PPP1R10: variants seen among roughly 807,000 people sequenced by gnomAD.
PPP1R10 encodes serine/threonine-protein phosphatase 1 regulatory subunit 10.
A neutral mutation model predicts 99.0 loss-of-function variants in PPP1R10; 15 were observed. That is an observed-to-expected ratio of 0.15 (90% CI 0.10 to 0.23). PPP1R10 has a LOEUF of 0.23. Among genes scored for constraint, PPP1R10 ranks in the 10% least tolerant of loss-of-function variants. The pLI is 1.00. For missense variants in PPP1R10, 947 were observed against 1,259.4 expected (o/e 0.75, Z 3.75); for synonymous variants, 430 against 449.5 (o/e 0.96, Z 0.55).
In PPP1R10 at chr6:30,602,792, A is replaced by C. The variant is rs1008136660; in HGVS notation, c.1957+54T>G. ...ACCTTCCAGTCAATCCTATACTATT[A>C]TCAGACTGAAATTAAGCAGATAAGC... On this transcript the variant is annotated intron_variant, in intron 18 of 19. Coordinates refer to ENST00000376511, the MANE Select transcript of PPP1R10 (RefSeq NM_002714.4). This position sits in a 1 kb window ranked among gnomAD's most constrained non-coding sequence, Gnocchi z 6.7. 3.3e-5 allele frequency: 51 copies of C among 1,546,302 alleles called. No individual in the cohort carries two copies. In the African/African-American group the frequency reaches 6.8e-4, roughly 21 times the overall value.
rs1760574632 is a variant in PPP1R10 at position 30,616,559 on chromosome 6, A to C, written c.-93T>G. Reference sequence around the variant, plus strand: ...TTGGAGGAAAAAAAATAAAACAACCAACCAGGACCCAAAACTCAATTATTT... The same window carrying C: ...TTGGAGGAAAAAAAATAAAACAACCCACCAGGACCCAAAACTCAATTATTT... On this transcript the variant is annotated 5_prime_UTR_variant, in exon 2 of 20. Transcript: ENST00000376511. 1 of 152,186 alleles carries C rather than the reference A, an allele frequency of 6.6e-6. No individual in the cohort carries two copies. Among genetic ancestry groups the C allele is most frequent in the Admixed American group, 6.6e-5 (1 of 15,266 alleles). 9.4% of individuals were successfully genotyped at this position (152,186 alleles called of 1,614,324 possible). A position where few individuals can be genotyped will look rare whatever the true frequency, so the allele number is the denominator to read the frequency against.
chr6:30,602,886 G>A lies in PPP1R10; in HGVS notation c.1917C>T (p.Gly639=), dbSNP rs1338930784. 2 of 1,556,416 alleles carry A rather than the reference G, an allele frequency of 1.3e-6. No individual in the cohort carries two copies. The highest frequency in any genetic ancestry group is 1.7e-6 in the Non-Finnish European group (2 of 1,149,140). The change falls in exon 18 of 20, where the codon GGC becomes GGT. Residue 639 remains glycine, a synonymous_variant. Coordinates refer to ENST00000376511, the MANE Select transcript of PPP1R10 (RefSeq NM_002714.4). The surrounding 1 kb of genome is among the most constrained non-coding windows in gnomAD (Gnocchi z 6.7). ...FPPGGPGGPK[G]MQHFPPGPGG... is the part of the protein sequence containing the mutation. ...CAGGTCCAGGGGGAAAGTGCTGCAT[G>A]CCCTTGGGGCCCCCAGGACCCCCTG...
intron 2 of PPP1R10, among the ~76,000 whole-genome samples, chr6:30,615,682 T>G (rs765537581): frequency 6.6e-6 from 1 of 152,320 alleles, no homozygotes; most frequent in South Asian, 2.1e-4. Flanking sequence ...CACCCTCTAT[T>G]TAACTGTACC....
chr6:30,613,357 CA>C (rs1298098016), intron 2 of PPP1R10, among the ~76,000 whole-genome samples: 7 of 152,144 alleles, frequency 4.6e-5, no homozygotes, highest in Non-Finnish European at 7.4e-5. Flanking sequence ...AAAAAAGTCC[CA>C]AATTTACCTT....
chr6:30,602,973 C>T lies in PPP1R10; in HGVS notation c.1844-14G>A. Reference sequence around the variant, plus strand: ...GTCCATGTGGCACTGTTAATGAAAACAAGAGTAACACAGCATGAGCACTCT... The same window carrying T: ...GTCCATGTGGCACTGTTAATGAAAATAAGAGTAACACAGCATGAGCACTCT... On this transcript the variant is annotated splice_polypyrimidine_tract_variant and intron_variant, in intron 17 of 19. Coordinates refer to ENST00000376511, the MANE Select transcript of PPP1R10 (RefSeq NM_002714.4). This position sits in a 1 kb window ranked among gnomAD's most constrained non-coding sequence, Gnocchi z 6.7. 1.3e-6 allele frequency: 2 copies of T among 1,528,906 alleles called. No homozygotes were observed. The highest frequency in any genetic ancestry group is 1.8e-6 in the Non-Finnish European group (2 of 1,133,834). 94.7% of individuals were successfully genotyped at this position (1,528,906 alleles called of 1,614,324 possible). A position where few individuals can be genotyped will look rare whatever the true frequency, so the allele number is the denominator to read the frequency against.
At chr6:30,608,449 A>G (rs768558576) in intron 5 of PPP1R10, among the ~76,000 whole-genome samples, 1 of 151,914 alleles carries the variant, frequency 6.6e-6, no homozygotes, top group Non-Finnish European at 1.5e-5. Context: ...CTACAGGCGC[A>G]TGCCACCATG....
rs1294420810 is a variant in PPP1R10, at chr6:30,601,579, G to A, written c.2793C>T (p.His931=). ...CRYENNCAFY[H]PGVNGPPLP is the part of the protein sequence containing the mutation. ...GCAGGGGGGGCCCATTGACACCCGG[G>A]TGGTAGAAGGCACAGTTGTTCTCAT... The change falls in exon 20 of 20, where the codon CAC becomes CAT. Residue 931 remains histidine (H), a synonymous_variant. Transcript: ENST00000376511. 3.1e-6 allele frequency: 5 copies of A among 1,614,138 alleles called. No homozygotes were observed. The highest frequency in any genetic ancestry group is 4.2e-6 in the Non-Finnish European group (5 of 1,180,000).
Position 30,601,624 on chromosome 6 carries a change from C to T in PPP1R10, c.2748G>A (p.Met916Ile). Residue 916 changes from methionine to isoleucine, a missense_variant, in exon 20 of 20, where the codon ATG becomes ATA. Physicochemically the swap from Met to Ile is conservative, Grantham distance 10. Coordinates refer to ENST00000376511, the MANE Select transcript of PPP1R10 (RefSeq NM_002714.4). ...MSNRPVCRHF[M>I]MKGNCRYENN... ...TCTCATAGCGGCAGTTGCCCTTCAT[C>T]ATGAAATGTCGGCAGACAGGGCGGT... is the stretch of plus-strand genomic sequence containing the variant. 2.5e-6 allele frequency: 4 copies of T among 1,614,126 alleles called. No individual in the cohort carries two copies. Among genetic ancestry groups the T allele is most frequent in the Non-Finnish European group, 3.4e-6 (4 of 1,179,998 alleles).
intron 2 of PPP1R10, among the ~76,000 whole-genome samples, chr6:30,616,029 G>A (rs1170291568): frequency 6.6e-6 from 1 of 152,178 alleles, no homozygotes; most frequent in Non-Finnish European, 1.5e-5. Context: ...CAAATTGAAA[G>A]GCACCCTGCT....
chr6:30,609,262 G>C lies in PPP1R10; in HGVS notation c.108-99C>G. 1.8e-6 allele frequency: 2 copies of C among 1,109,734 alleles called. No homozygotes were observed. The highest frequency in any genetic ancestry group is 2.4e-5 in the East Asian group (1 of 41,026). The allele number at this position is 1,109,734 out of a possible 1,614,324, so 68.7% of individuals were successfully genotyped here. On this transcript the variant is annotated intron_variant, in intron 3 of 19. Coordinates refer to ENST00000376511, the MANE Select transcript of PPP1R10 (RefSeq NM_002714.4). The surrounding 1 kb of genome is among the most constrained non-coding windows in gnomAD (Gnocchi z 4.5). ...ACTGCCTAGAGATTCCTAATGACTT[G>C]GGACTTTGCTCCAGAGAAGGGGAGT...
chr6:30,609,727 CTA>C lies in PPP1R10; in HGVS notation c.107+109_107+110del. 1 of 932,992 alleles carries C rather than the reference CTA, an allele frequency of 1.1e-6. No individual in the cohort carries two copies. The highest frequency in any genetic ancestry group is 1.7e-6 in the Non-Finnish European group (1 of 576,652). 57.8% of individuals were successfully genotyped at this position (932,992 alleles called of 1,614,324 possible). A position where few individuals can be genotyped will look rare whatever the true frequency, so the allele number is the denominator to read the frequency against. ...TTACATTTTAATCCTATTGCACTGA[CTA>C]TCTTTCCCTTTCCTTTCCAGGATCA... is the stretch of plus-strand genomic sequence containing the variant. On this transcript the variant is annotated intron_variant, in intron 3 of 19. Coordinates refer to ENST00000376511, the MANE Select transcript of PPP1R10 (RefSeq NM_002714.4). This position sits in a 1 kb window ranked among gnomAD's most constrained non-coding sequence, Gnocchi z 4.5.
At position 30,602,694 on chromosome 6, in the gene PPP1R10, G is replaced by C; in HGVS notation, c.1958-3C>G. ...CCCACCAGGGCCTCCATGGGGACCT[G>C]TAAGGGGACAAAAAAGAGAGACAGT... On this transcript the variant is annotated splice_polypyrimidine_tract_variant and splice_region_variant and intron_variant, in intron 18 of 19. Coordinates refer to ENST00000376511, the MANE Select transcript of PPP1R10 (RefSeq NM_002714.4). This position sits in a 1 kb window ranked among gnomAD's most constrained non-coding sequence, Gnocchi z 6.7. The C allele has an allele frequency of 6.2e-7, 1 of 1,605,392 alleles. No individual in the cohort carries two copies. The highest frequency in any genetic ancestry group is 8.5e-7 in the Non-Finnish European group (1 of 1,177,446).
At chr6:30,611,287 G>A (rs1253940557) in intron 2 of PPP1R10, among the ~76,000 whole-genome samples, 3 of 152,104 alleles carry the variant, frequency 2.0e-5, no homozygotes, top group African/African-American at 7.2e-5. Flanking sequence ...TCCAGCCTGA[G>A]AGACAGAGTA....
At chr6:30,610,844 T>C (rs915294041) in intron 2 of PPP1R10, among the ~76,000 whole-genome samples, 2 of 152,210 alleles carry the variant, frequency 1.3e-5, no homozygotes, top group African/African-American at 4.8e-5. Flanking sequence ...GCTAGAAAAA[T>C]TCCCTTTTAA....
At position 30,603,547 on chromosome 6, in the gene PPP1R10, G is replaced by A. The variant is rs1803596553; in HGVS notation, c.1692C>T (p.Ser564=). 6.2e-7 allele frequency: 1 copy of A among 1,613,938 alleles called. No individual in the cohort carries two copies. Among genetic ancestry groups the A allele is most frequent in the South Asian group, 1.1e-5 (1 of 91,078 alleles). The change falls in exon 16 of 20, where the codon AGC becomes AGT. Residue 564 remains serine, a synonymous_variant. Coordinates refer to ENST00000376511, the MANE Select transcript of PPP1R10 (RefSeq NM_002714.4). The part of the protein sequence containing the change: ...LPPVLANLMG[S]MGAGKGPQGP... ...CTTGGGGGCCCTTTCCAGCACCCAT[G>A]CTTCCCATAAGATTGGCCAGAACTG...
chr6:30,603,197 C>T lies in PPP1R10; in HGVS notation c.1843+13G>A. 1 of 1,606,818 alleles carries T rather than the reference C, an allele frequency of 6.2e-7. No homozygotes were observed. Among genetic ancestry groups the T allele is most frequent in the Middle Eastern group, 1.7e-4 (1 of 6,040 alleles). ...TCCTCCCCCAGTCCCCTGGGGCTGGCCCTGAAGATTACCCAGCATCTGCTT... is the reference window on the plus strand; with the variant it reads ...TCCTCCCCCAGTCCCCTGGGGCTGGTCCTGAAGATTACCCAGCATCTGCTT... On this transcript the variant is annotated intron_variant, in intron 17 of 19. Coordinates refer to ENST00000376511, the MANE Select transcript of PPP1R10 (RefSeq NM_002714.4).
At chr6:30,607,775 A>G (rs1804103673) in intron 6 of PPP1R10, 65 bp downstream of exon 6, 1 of 1,518,074 alleles carries the variant, frequency 6.6e-7, no homozygotes, top group Non-Finnish European at 9.1e-7. Flanking sequence ...ATGGGAAAAG[A>G]TATTAAGGTA....
In PPP1R10 at chr6:30,609,965, G is replaced by C. The variant is rs560579868; in HGVS notation, c.-11-10C>G. On this transcript the variant is annotated splice_polypyrimidine_tract_variant and intron_variant, in intron 2 of 19. Transcript: ENST00000376511. The surrounding 1 kb of genome is among the most constrained non-coding windows in gnomAD (Gnocchi z 4.5). ...CCCATGATGGTGGTTTCTATGGTAAGAGGACAAAACAAACAAACCCACAGA... is the reference window on the plus strand; with the variant it reads ...CCCATGATGGTGGTTTCTATGGTAACAGGACAAAACAAACAAACCCACAGA... 1.3e-5 allele frequency: 21 copies of C among 1,591,218 alleles called. No homozygotes were observed. Among genetic ancestry groups the C allele is most frequent in the Non-Finnish European group, 1.8e-5 (21 of 1,159,216 alleles).
Position 30,606,713 on chromosome 6 carries a change from G to A in PPP1R10, c.460+66C>T, listed in dbSNP as rs749506872. ...CTGTCAGAGGTGAAGCAGACTGGGA[G>A]CACCTAAAGGCCACATCCCAATAGG... On this transcript the variant is annotated intron_variant, in intron 7 of 19. Coordinates refer to ENST00000376511, the MANE Select transcript of PPP1R10 (RefSeq NM_002714.4). This position sits in a 1 kb window ranked among gnomAD's most constrained non-coding sequence, Gnocchi z 6.3. 45 of 1,607,790 alleles carry A rather than the reference G, an allele frequency of 2.8e-5. No individual in the cohort carries two copies. Among genetic ancestry groups the A allele is most frequent in the Non-Finnish European group, 3.8e-5 (45 of 1,174,368 alleles).
Sources: allele counts gnomAD v4.1 joint callset (sites outside exome capture counted in the v4.1 genomes callset), GRCh38; gene constraint gnomAD v4.1.1; non-coding constraint Gnocchi (gnomAD v3.1); transcripts MANE v1.5; gene names NCBI Gene and HGNC (gene_info 2026-07-23, HGNC 2026-07-21).